The following NLK variants were observed in gnomAD, a reference collection of about 807,000 sequenced individuals.
NLK encodes serine/threonine-protein kinase NLK.
In NLK, 11 loss-of-function variants were observed where a neutral mutation model predicts 59.0. That is an observed-to-expected ratio of 0.19 (90% CI 0.12 to 0.31). The LOEUF (loss-of-function observed/expected upper bound fraction) is 0.31. NLK is among the 10% of genes least tolerant of loss of function. NLK has a pLI of 1.00. For synonymous variants in NLK, 235 were observed against 235.9 expected (o/e 1.00, Z 0.03); for missense variants, 410 against 661.1 (o/e 0.62, Z 4.16).
chr17:28,199,569 G>A (rs1597733282), downstream of NLK, among the ~76,000 whole-genome samples: 2 of 151,250 alleles, frequency 1.3e-5, no homozygotes. Context: ...AGAAGACTGC[G>A]GCAGGAGAAT....
At chr17:28,043,646 C>T (rs1193589970) in intron 1 of NLK, among the ~76,000 whole-genome samples, 2 of 152,152 alleles carry the variant, frequency 1.3e-5, no homozygotes, top group Non-Finnish European at 2.9e-5. Context: ...CTAATTCCTA[C>T]GAAGACCTTG....
At chr17:28,116,262 C>T (rs1253573198) in intron 1 of NLK, 6 of 195,188 alleles carry the variant, frequency 3.1e-5, no homozygotes, top group Admixed American at 2.7e-4. Context: ...AAACCTATAT[C>T]CTTCATGTAC....
chr17:28,191,360 C>T (rs945201741), intron 9 of NLK, 141 bp downstream of exon 9: 7 of 565,960 alleles, frequency 1.2e-5, no homozygotes, highest in African/African-American at 7.6e-5. Flanking sequence ...GCTGTGTGTC[C>T]GGGGCATAAC....
intron 1 of NLK, among the ~76,000 whole-genome samples, chr17:28,088,933 A>G (rs1904378211): frequency 6.6e-6 from 1 of 152,076 alleles, no homozygotes; most frequent in Non-Finnish European, 1.5e-5. Flanking sequence ...CTGGTCTTGA[A>G]TCTCCTTTTT....
the NLK span, among the ~76,000 whole-genome samples, chr17:28,202,685 T>TC: frequency 6.8e-6 from 1 of 147,678 alleles, no homozygotes; most frequent in African/African-American, 2.5e-5. Flanking sequence ...TTTCTTTTTT[T>TC]TCTTTTTTTT....
intron 1 of NLK, among the ~76,000 whole-genome samples, chr17:28,054,950 G>T (rs373575698): frequency 3.9e-5 from 6 of 152,134 alleles, no homozygotes; most frequent in African/African-American, 1.4e-4. Context: ...TATTTAAGAG[G>T]ATAACTCTCT....
downstream of NLK, chr17:28,196,438 C>T (rs1467873769): frequency 1.3e-5 from 2 of 152,516 alleles, no homozygotes; most frequent in African/African-American, 4.8e-5. Flanking sequence ...CAGTACAGCT[C>T]GTATCCTGAC....
At chr17:28,184,720 G>A (rs1386403840) in intron 7 of NLK, among the ~76,000 whole-genome samples, 2 of 152,172 alleles carry the variant, frequency 1.3e-5, no homozygotes, top group Non-Finnish European at 2.9e-5. Context: ...GGCCGAGGCA[G>A]GCAGATCACT....
chr17:28,089,544 C>T (rs1245483012), intron 1 of NLK, among the ~76,000 whole-genome samples: 1 of 151,566 alleles, frequency 6.6e-6, no homozygotes, highest in Admixed American at 6.6e-5. Context: ...ACTCCTTGGA[C>T]ATTCATATAT....
At position 28,161,247 on chromosome 17, in the gene NLK, T is replaced by G; in HGVS notation, c.732T>G (p.Phe244Leu). Residue 244 changes from phenylalanine to leucine, a missense_variant, in exon 4 of 11, where the codon TTT (phenylalanine) becomes TTG (leucine). By Grantham distance (22) the Phe-to-Leu change is conservative. Around this residue, in one of 5 missense-constraint regions of NLK, gnomAD observed 73 missense variants for 197.2 expected, o/e 0.37. Transcript: ENST00000407008. Reference protein sequence around the residue: ...QPLSSDHVKVFLYQILRGLKY... With the variant: ...QPLSSDHVKVLLYQILRGLKY... Reference sequence around the variant, plus strand: ...TCAGCTCAGATCATGTCAAAGTTTTTCTTTATCAGATTTTGCGAGGTAAGA... The same window carrying G: ...TCAGCTCAGATCATGTCAAAGTTTTGCTTTATCAGATTTTGCGAGGTAAGA... 1 of 1,607,136 alleles carries G rather than the reference T, an allele frequency of 6.2e-7. No individual in the cohort carries two copies. The highest frequency in any genetic ancestry group is 8.5e-7 in the Non-Finnish European group (1 of 1,173,692).
In NLK at chr17:28,161,294, G is replaced by T. The variant is rs147469000; in HGVS notation, c.751+28G>T. On this transcript the variant is annotated intron_variant, in intron 4 of 10. Transcript: ENST00000407008. Reference sequence around the variant, plus strand: ...AAGATTTCTTTATGAAGAAAAAGGTGCTGTCACACTGTAAATGAAATGTTT... The same window carrying T: ...AAGATTTCTTTATGAAGAAAAAGGTTCTGTCACACTGTAAATGAAATGTTT... 3.4e-5 allele frequency: 40 copies of T among 1,174,986 alleles called. No homozygotes were observed. The East Asian group carries it at 8.9e-4, about 26-fold the overall frequency. The allele number at this position is 1,174,986 out of a possible 1,614,324, so 72.8% of individuals were successfully genotyped here.
chr17:28,201,108 C>A (rs1386875598), downstream of NLK, among the ~76,000 whole-genome samples: 1 of 152,164 alleles, frequency 6.6e-6, no homozygotes, highest in African/African-American at 2.4e-5. Flanking sequence ...TAGACAGGGT[C>A]TCCCTCTGTC....
At chr17:28,073,269 A>G (rs1910067450) in intron 1 of NLK, among the ~76,000 whole-genome samples, 1 of 152,138 alleles carries the variant, frequency 6.6e-6, no homozygotes, top group Admixed American at 6.5e-5. Context: ...TCACTTACTA[A>G]GGATGCAGAC....
chr17:28,195,166 A>C lies in NLK; in HGVS notation c.*530A>C, dbSNP rs1399674954. 1.3e-5 allele frequency: 2 copies of C among 152,090 alleles called. No individual in the cohort carries two copies. Among genetic ancestry groups the C allele is most frequent in the Admixed American group, 6.6e-5 (1 of 15,234 alleles). 9.4% of individuals were successfully genotyped at this position (152,090 alleles called of 1,614,324 possible). ...TGCACCTGGGGGGAGGGTAGGGAGG[A>C]GGGGCATGCCACCTAATGATCAAGC... On this transcript the variant is annotated 3_prime_UTR_variant, in exon 11 of 11. Coordinates refer to ENST00000407008, the MANE Select transcript of NLK (RefSeq NM_016231.5).
At chr17:28,125,299 CA>C (rs1242175643) in intron 2 of NLK, among the ~76,000 whole-genome samples, 1 of 152,140 alleles carries the variant, frequency 6.6e-6, no homozygotes, top group Non-Finnish European at 1.5e-5. Context: ...AATTCTCATA[CA>C]GTTTCTAAGA....
chr17:28,074,080 A>T (rs191996304), intron 1 of NLK, among the ~76,000 whole-genome samples: 89 of 152,342 alleles, frequency 5.8e-4, no homozygotes, highest in Admixed American at 2.4e-3. Flanking sequence ...AAATAATTTT[A>T]TTTGGTATTT....
intron 1 of NLK, among the ~76,000 whole-genome samples, chr17:28,057,170 G>A (rs1043699913): frequency 6.6e-6 from 1 of 151,948 alleles, no homozygotes; most frequent in Non-Finnish European, 1.5e-5. Flanking sequence ...GGTCAGCCTG[G>A]TCTCGAACTC....
intron 1 of NLK, among the ~76,000 whole-genome samples, chr17:28,044,285 T>C (rs1368394896): frequency 6.6e-6 from 1 of 152,234 alleles, no homozygotes; most frequent in Non-Finnish European, 1.5e-5. Context: ...TGAATTGATA[T>C]TTTCAGTGCA....
At chr17:28,181,165 G>A (rs1342191524) in intron 7 of NLK, among the ~76,000 whole-genome samples, 2 of 151,994 alleles carry the variant, frequency 1.3e-5, no homozygotes, top group South Asian at 2.1e-4. Context: ...TGGGGAGTCC[G>A]AGGCAGGCAG....
Sources: gnomAD v4.1 joint callset for allele counts (sites outside exome capture counted in the v4.1 genomes callset) on GRCh38, gnomAD v4.1.1 for gene constraint, gnomAD v4.1.1 regional missense constraint, MANE v1.5 for transcripts, NCBI Gene and HGNC (gene_info 2026-07-23, HGNC 2026-07-21) for gene names.